PPP3CA: variants seen among roughly 807,000 people sequenced by gnomAD.
PPP3CA encodes CAM-PRP catalytic subunit.
Under a neutral mutation model 66.5 loss-of-function variants are expected in PPP3CA, and 14 were observed. That is an observed-to-expected ratio of 0.21 (90% confidence interval 0.14 to 0.33). PPP3CA has a LOEUF of 0.33. Among genes scored for constraint, PPP3CA ranks in the 10% least tolerant of loss-of-function variants. The probability of loss-of-function intolerance (pLI) is 1.00; values close to 1 mark genes in which losing one functional copy is unlikely to be tolerated. For synonymous variants in PPP3CA, 232 were observed against 226.2 expected (o/e 1.03, Z -0.23); for missense variants, 317 against 639.5 (o/e 0.50, Z 5.44).
chr4:101,249,166 CAA>C (rs56681238), intron 1 of PPP3CA, among the ~76,000 whole-genome samples: 9,806 of 141,808 alleles, frequency 0.069, 928 homozygotes, highest in African/African-American at 0.22. Context: ...GACTCTGTCT[CAA>C]AAAAAAAAAA....
intron 2 of PPP3CA, among the ~76,000 whole-genome samples, chr4:101,112,572 T>C (rs1042078892): frequency 6.6e-6 from 1 of 151,988 alleles, no homozygotes; most frequent in Non-Finnish European, 1.5e-5. Context: ...CATAGAAAAA[T>C]TCAAAGCCCA....
At chr4:101,281,443 G>T (rs1037834231) in intron 1 of PPP3CA, among the ~76,000 whole-genome samples, 2 of 152,184 alleles carry the variant, frequency 1.3e-5, no homozygotes, top group Non-Finnish European at 1.5e-5. Flanking sequence ...TCTTAAATAC[G>T]TAAGAGGGGG....
At chr4:101,155,851 C>T (rs536478331) in intron 2 of PPP3CA, among the ~76,000 whole-genome samples, 179 of 152,184 alleles carry the variant, frequency 1.2e-3, no homozygotes, top group Non-Finnish European at 1.5e-3. Context: ...AAATGGTGAA[C>T]GAGTATCAAA....
At chr4:101,247,939 TAC>T (rs962587146) in intron 1 of PPP3CA, among the ~76,000 whole-genome samples, 17 of 152,068 alleles carry the variant, frequency 1.1e-4, no homozygotes, top group African/African-American at 4.1e-4. Flanking sequence ...TATGTGTGTA[TAC>T]ACACACACAC....
intron 6 of PPP3CA, among the ~76,000 whole-genome samples, chr4:101,089,824 A>G (rs1421735231): frequency 6.6e-6 from 1 of 152,188 alleles, no homozygotes; most frequent in African/African-American, 2.4e-5. Context: ...AAAATCATAG[A>G]TCTTATGGAT....
intron 10 of PPP3CA, among the ~76,000 whole-genome samples, chr4:101,047,454 A>G (rs2851062): frequency 0.47 from 70,744 of 151,964 alleles, 17,441 homozygotes; most frequent in East Asian, 0.87. Flanking sequence ...TACCAATGGC[A>G]TATAAATATC....
At chr4:101,186,420 T>C (rs1264244646) in intron 2 of PPP3CA, among the ~76,000 whole-genome samples, 1 of 152,102 alleles carries the variant, frequency 6.6e-6, no homozygotes, top group African/African-American at 2.4e-5. Context: ...TACCCAAACA[T>C]GAAATGAAAA....
At chr4:101,129,386 T>C (rs1383002664) in intron 2 of PPP3CA, among the ~76,000 whole-genome samples, 1 of 152,174 alleles carries the variant, frequency 6.6e-6, no homozygotes, top group Non-Finnish European at 1.5e-5. Flanking sequence ...AGCACAGTGC[T>C]TGAGTTCTGC....
intron 1 of PPP3CA, among the ~76,000 whole-genome samples, chr4:101,284,171 G>GGTTTTA (rs1356951156): frequency 6.6e-6 from 1 of 152,032 alleles, no homozygotes; most frequent in African/African-American, 2.4e-5. Flanking sequence ...TGTTTTATGT[G>GGTTTTA]TCTTTGGTTA....
chr4:101,030,368 C>T (rs960042251), intron 12 of PPP3CA, among the ~76,000 whole-genome samples: 1 of 152,010 alleles, frequency 6.6e-6, no homozygotes, highest in African/African-American at 2.4e-5. Flanking sequence ...ATGGTTATCA[C>T]CATGGAGAGA....
intron 1 of PPP3CA, chr4:101,330,561 A>C: frequency 2.5e-6 from 1 of 394,730 alleles, no homozygotes; most frequent in Non-Finnish European, 5.0e-6. Flanking sequence ...AACAGACTAC[A>C]GTATAGTGTA....
chr4:101,269,383 T>A (rs34126137), intron 1 of PPP3CA, among the ~76,000 whole-genome samples: 98,423 of 151,198 alleles, frequency 0.65, 33,107 homozygotes, highest in Non-Finnish European at 0.75. Context: ...TTGAACACTA[T>A]GGCCCCCAAA....
At chr4:101,168,369 G>A (rs1723760664) in intron 2 of PPP3CA, among the ~76,000 whole-genome samples, 1 of 152,190 alleles carries the variant, frequency 6.6e-6, no homozygotes, top group African/African-American at 2.4e-5. Flanking sequence ...CAGGCAAATG[G>A]AGAAAAGTAG....
chr4:101,228,740 A>G (rs1305077481), intron 1 of PPP3CA, among the ~76,000 whole-genome samples: 2 of 151,662 alleles, frequency 1.3e-5, no homozygotes, highest in Non-Finnish European at 3.0e-5. Context: ...GGAACCTAAT[A>G]GAAGTGAACT....
intron 1 of PPP3CA, among the ~76,000 whole-genome samples, chr4:101,264,233 T>C (rs1727098414): frequency 6.6e-6 from 1 of 152,222 alleles, no homozygotes; most frequent in African/African-American, 2.4e-5. Context: ...GCAGGAACTG[T>C]TTCTGTTGTC....
At chr4:101,326,121 G>A (rs1473766306) in intron 1 of PPP3CA, among the ~76,000 whole-genome samples, 1 of 152,174 alleles carries the variant, frequency 6.6e-6, no homozygotes, top group African/African-American at 2.4e-5. Flanking sequence ...GGGCGACAGA[G>A]TGAGACTCTG....
intron 11 of PPP3CA, among the ~76,000 whole-genome samples, chr4:101,036,418 T>TTTC (rs1491174296): frequency 7.8e-5 from 1 of 12,808 alleles, no homozygotes; most frequent in Non-Finnish European, 2.5e-4. Context: ...TCTTTCTTTC[T>TTTC]TTTTTTTTTT....
chr4:101,282,748 C>A (rs1164833498), intron 1 of PPP3CA, among the ~76,000 whole-genome samples: 1 of 152,134 alleles, frequency 6.6e-6, no homozygotes, highest in Non-Finnish European at 1.5e-5. Flanking sequence ...GGAAGTAAAG[C>A]AAGGCTCCCA....
chr4:101,153,889 A>T (rs1723222260), intron 2 of PPP3CA, among the ~76,000 whole-genome samples: 1 of 152,098 alleles, frequency 6.6e-6, no homozygotes. Flanking sequence ...TTAATACAAT[A>T]CATTTGGTTG....
Sources: gnomAD v4.1 joint callset for allele counts (sites outside exome capture counted in the v4.1 genomes callset) on GRCh38, gnomAD v4.1.1 for gene constraint, MANE v1.5 for transcripts, NCBI Gene and HGNC (gene_info 2026-07-23, HGNC 2026-07-21) for gene names.